KIF11: variants seen among roughly 807,000 people sequenced by gnomAD.
The protein encoded by KIF11 is kinesin family member 11.
A neutral mutation model predicts 121.0 loss-of-function variants in KIF11; 9 were observed. That is an observed-to-expected ratio of 0.07 (90% confidence interval 0.04 to 0.13). KIF11 has a LOEUF of 0.13. Among genes scored for constraint, KIF11 ranks in the 10% least tolerant of loss-of-function variants. KIF11 has a pLI of 1.00. For synonymous variants in KIF11, 408 were observed against 421.0 expected (o/e 0.97, Z 0.38); for missense variants, 846 against 1,217.5 (o/e 0.69, Z 4.54).
In KIF11 at chr10:92,607,149, A is replaced by G; in HGVS notation, c.309-10A>G. The stretch of plus-strand genomic sequence containing the variant: ...TTTCTTTTTGATTTAACACTTGTTA[A>G]TCTTTACAGGTATGGCCAAACTGGC... On this transcript the variant is annotated splice_polypyrimidine_tract_variant and intron_variant, in intron 3 of 21. Coordinates refer to ENST00000260731, the MANE Select transcript of KIF11 (RefSeq NM_004523.4). 3 of 1,558,672 alleles carry G rather than the reference A, an allele frequency of 1.9e-6. No homozygotes were observed. Among genetic ancestry groups the G allele is most frequent in the South Asian group, 1.1e-5 (1 of 89,722 alleles).
At chr10:92,607,367 A>G (rs888412424) in intron 4 of KIF11, 130 bp downstream of exon 4, 23 of 583,476 alleles carry the variant, frequency 3.9e-5, no homozygotes, top group Non-Finnish European at 3.0e-6. Context: ...AGGATAAACC[A>G]CTACTACAGT....
In KIF11 at chr10:92,613,436, G is replaced by C. The variant is rs1400319426; in HGVS notation, c.849G>C (p.Arg283=). ...GRSGAVDKRA[R]EAGNINQSLL... ...CTGGAGCTGTTGATAAGAGAGCTCG[G>C]GAAGCTGGAAATATAAATCAATCCC... The change falls in exon 8 of 22, where the codon CGG becomes CGC. Residue 283 remains arginine (R), a synonymous_variant. Coordinates refer to ENST00000260731, the MANE Select transcript of KIF11 (RefSeq NM_004523.4). This position sits in a 1 kb window ranked among gnomAD's most constrained non-coding sequence, Gnocchi z 4.2. 6.2e-7 allele frequency: 1 copy of C among 1,611,232 alleles called. No individual in the cohort carries two copies. Among genetic ancestry groups the C allele is most frequent in the Non-Finnish European group, 8.5e-7 (1 of 1,177,462 alleles).
At position 92,599,658 on chromosome 10, in the gene KIF11, C is replaced by CT. The variant is rs879564897; in HGVS notation, c.77+6219dup. ...GTGTGTAATTTTAGAGTTTTCTTTT[C>CT]TTTTTTTTTTTTTGAGATGGAGTCT... On this transcript the variant is annotated intron_variant, in intron 1 of 21. Transcript: ENST00000260731. 1.0e-2 allele frequency among the ~76,000 whole-genome samples: 1,371 copies of CT among 137,392 alleles called. 21 individuals are homozygous for CT. The highest frequency in any genetic ancestry group is 0.031 in the African/African-American group (1,160 of 37,912). 90.1% of individuals were successfully genotyped at this position (137,392 alleles called of 152,430 possible).
At chr10:92,623,972 A>G (rs376654674) in intron 10 of KIF11, among the ~76,000 whole-genome samples, 24 of 152,106 alleles carry the variant, frequency 1.6e-4, no homozygotes, top group African/African-American at 5.5e-4. Context: ...GAGTTGGTGT[A>G]CATATTATTT....
chr10:92,613,669 TG>T lies in KIF11; in HGVS notation c.1032+52del. On this transcript the variant is annotated intron_variant, in intron 8 of 21. Coordinates refer to ENST00000260731, the MANE Select transcript of KIF11 (RefSeq NM_004523.4). The surrounding 1 kb of genome is among the most constrained non-coding windows in gnomAD (Gnocchi z 4.2). ...AAGTGTAGTAGCTGTAATTCTTATTTGGCTATTATATATTTTAAAAGTTCAT... is the reference window on the plus strand; with the variant it reads ...AAGTGTAGTAGCTGTAATTCTTATTTGCTATTATATATTTTAAAAGTTCAT... 1 of 1,534,866 alleles carries T rather than the reference TG, an allele frequency of 6.5e-7. No individual in the cohort carries two copies. Among genetic ancestry groups the T allele is most frequent in the Non-Finnish European group, 8.8e-7 (1 of 1,136,266 alleles).
intron 1 of KIF11, among the ~76,000 whole-genome samples, chr10:92,595,648 C>A (rs1289773664): frequency 2.0e-5 from 3 of 152,104 alleles, no homozygotes; most frequent in African/African-American, 7.2e-5. Context: ...ACATAATATT[C>A]TGCAACAATT....
At chr10:92,597,366 C>CA (rs1298751297) in intron 1 of KIF11, 2 of 163,344 alleles carry the variant, frequency 1.2e-5, no homozygotes, top group African/African-American at 4.8e-5. Flanking sequence ...CAGGTTCAAG[C>CA]AATTCTTATG....
chr10:92,609,075 C>T lies in KIF11; in HGVS notation c.443C>T (p.Thr148Ile). ...CTTCATCAAATTTTTGAGAAACTTACTGATAATGGTACTGAATTTTCAGTC... is the reference window on the plus strand; with the variant it reads ...CTTCATCAAATTTTTGAGAAACTTATTGATAATGGTACTGAATTTTCAGTC... ...RTLHQIFEKLTDNGTEFSVKV... is the reference protein window; with the variant it reads ...RTLHQIFEKLIDNGTEFSVKV... Residue 148 changes from threonine to isoleucine, a missense_variant, in exon 5 of 22, where the codon ACT (threonine) becomes ATT (isoleucine). By Grantham distance (89) the Thr-to-Ile change is moderately conservative. Transcript: ENST00000260731. The T allele has an allele frequency of 1.9e-6, 3 of 1,598,020 alleles. No homozygotes were observed. The highest frequency in any genetic ancestry group is 2.6e-6 in the Non-Finnish European group (3 of 1,173,108).
intron 1 of KIF11, 29 bp downstream of exon 1, chr10:92,593,481 C>CGCT: frequency 6.3e-7 from 1 of 1,590,702 alleles, no homozygotes; most frequent in Non-Finnish European, 8.6e-7. Context: ...GGATTCCGAG[C>CGCT]GCTGCGGCTT....
In KIF11 at chr10:92,604,293, GTCC is replaced by G. The variant is rs542356968; in HGVS notation, c.78-1970_78-1968del. ...ATCTGTATGAATTTCCTATCACTTAGTCCTGACAATGTGAATGGTATTCATTTG... is the reference window on the plus strand; with the variant it reads ...ATCTGTATGAATTTCCTATCACTTAGTGACAATGTGAATGGTATTCATTTG... On this transcript the variant is annotated intron_variant, in intron 1 of 21. Transcript: ENST00000260731. Among the ~76,000 whole-genome samples the G allele has an allele frequency of 3.0e-4, 46 of 152,198 alleles. No homozygotes were observed. The East Asian group carries it at 8.1e-3, about 27-fold the overall frequency.
At position 92,608,898 on chromosome 10, in the gene KIF11, T is replaced by A. The variant is rs187038614; in HGVS notation, c.388-122T>A. 11,352 of 547,678 alleles carry A rather than the reference T, an allele frequency of 0.021. 145 individuals carry two copies. Among genetic ancestry groups the A allele is most frequent in the Admixed American group, 0.052 (1,445 of 28,016 alleles). 33.9% of individuals were successfully genotyped at this position (547,678 alleles called of 1,614,324 possible). A position where few individuals can be genotyped will look rare whatever the true frequency, so the allele number is the denominator to read the frequency against. ...ACATTAGGTTAGTTGTTTCTTTTTT[T>A]GTTTTGTTTTAACTTGCTTTGCCAT... On this transcript the variant is annotated intron_variant, in intron 4 of 21. Transcript: ENST00000260731.
At chr10:92,601,162 ACCTTTT>A (rs1359566123) in intron 1 of KIF11, among the ~76,000 whole-genome samples, 1 of 140,418 alleles carries the variant, frequency 7.1e-6, no homozygotes, top group African/African-American at 2.7e-5. Context: ...TTGGCCCTCA[ACCTTTT>A]CCTTTTCAAT....
chr10:92,603,045 A>G (rs1844391440), intron 1 of KIF11, among the ~76,000 whole-genome samples: 1 of 151,580 alleles, frequency 6.6e-6, no homozygotes, highest in Non-Finnish European at 1.5e-5. Context: ...TTTAAAAAAT[A>G]CATCTACCTG....
rs202027907 is a variant in KIF11 at position 92,653,698 on chromosome 10, A to G, written c.3073A>G (p.Arg1025Gly). Residue 1025 changes from arginine to glycine, a missense_variant, in exon 22 of 22, where the codon AGA becomes GGA. This residue lies in a region of KIF11 where 492 missense variants were observed against 603.4 expected (regional missense o/e 0.82). Transcript: ENST00000260731. ...KKSHGKDKEN[R>G]GINTLERSKV... ...ATCACATGGAAAAGACAAAGAAAAC[A>G]GAGGCATTAACACACTGGAGAGGTC... The G allele has an allele frequency of 5.6e-6, 9 of 1,613,092 alleles. No individual in the cohort carries two copies. In the East Asian group the frequency reaches 1.8e-4, roughly 32 times the overall value.
chr10:92,626,291 A>T (rs1844676029), intron 10 of KIF11, among the ~76,000 whole-genome samples: 1 of 152,236 alleles, frequency 6.6e-6, no homozygotes, highest in African/African-American at 2.4e-5. Flanking sequence ...CTGATCTTCG[A>T]CAGAACATGC....
intron 1 of KIF11, among the ~76,000 whole-genome samples, chr10:92,601,677 A>G: frequency 6.6e-6 from 1 of 151,744 alleles, no homozygotes; most frequent in East Asian, 1.9e-4. Flanking sequence ...GACTATAGAC[A>G]CACTACTACA....
chr10:92,652,107 G>A (rs951844696), intron 21 of KIF11, among the ~76,000 whole-genome samples: 5 of 151,426 alleles, frequency 3.3e-5, no homozygotes, highest in African/African-American at 1.2e-4. Flanking sequence ...CACTGCGCCT[G>A]GCTGCTTGTA....
At chr10:92,623,924 T>C (rs7095585) in intron 10 of KIF11, among the ~76,000 whole-genome samples, 29,263 of 152,040 alleles carry the variant, frequency 0.19, 4,766 homozygotes, top group African/African-American at 0.44. Context: ...CAGGAGTACA[T>C]GTGCAGATTT....
At position 92,626,814 on chromosome 10, in the gene KIF11, C is replaced by G. The variant is rs568969572; in HGVS notation, c.1218-1994C>G. ...TCACTCTGTCACCCAGGCTGGAGTG[C>G]AGTGGCGCCATCTTGGCTCACTGCA... On this transcript the variant is annotated intron_variant, in intron 10 of 21. Transcript: ENST00000260731. Among the ~76,000 whole-genome samples the G allele has an allele frequency of 6.6e-5, 10 of 152,230 alleles. No homozygotes were observed. In the South Asian group the frequency reaches 2.1e-3, roughly 32 times the overall value.
Sources: allele counts gnomAD v4.1 joint callset (sites outside exome capture counted in the v4.1 genomes callset), GRCh38; gene constraint gnomAD v4.1.1; regional missense constraint gnomAD v4.1.1; non-coding constraint Gnocchi (gnomAD v3.1); transcripts MANE v1.5; gene names NCBI Gene and HGNC (gene_info 2026-07-23, HGNC 2026-07-21).